BRPF1: variants seen among roughly 807,000 people sequenced by gnomAD.
BRPF1 encodes the protein peregrin.
In BRPF1, 15 loss-of-function variants were observed where a neutral mutation model predicts 115.0. The observed-to-expected ratio is 0.13, with a 90% CI of 0.09 to 0.20. BRPF1 has a LOEUF of 0.20. Ranked by LOEUF, BRPF1 falls within the 10% of genes least tolerant of loss-of-function variation. BRPF1 has a pLI of 1.00. For missense variants in BRPF1, 1,118 were observed against 1,638.3 expected (o/e 0.68, Z 5.48); for synonymous variants, 647 against 619.8 (o/e 1.04, Z -0.65).
In BRPF1 at chr3:9,734,840, G is replaced by C. The variant is rs2076913500; in HGVS notation, c.599+101G>C. Reference sequence around the variant, plus strand: ...CAGATAGAAGAGTGACAGGAATAAAGAATAGTGAAAGAACACTGATTTTGC... The same window carrying C: ...CAGATAGAAGAGTGACAGGAATAAACAATAGTGAAAGAACACTGATTTTGC... On this transcript the variant is annotated intron_variant, in intron 2 of 13. Coordinates refer to ENST00000383829, the MANE Select transcript of BRPF1 (RefSeq NM_001003694.2). The surrounding 1 kb of genome is among the most constrained non-coding windows in gnomAD (Gnocchi z 5.7). 2.8e-6 allele frequency: 4 copies of C among 1,444,140 alleles called. No individual in the cohort carries two copies. The highest frequency in any genetic ancestry group is 1.3e-5 in the South Asian group (1 of 76,336). 89.5% of individuals were successfully genotyped at this position (1,444,140 alleles called of 1,614,324 possible).
Position 9,743,803 on chromosome 3 carries a change from C to T in BRPF1, c.2537C>T (p.Ser846Leu), listed in dbSNP as rs539571131. 7.9e-5 allele frequency: 127 copies of T among 1,613,238 alleles called. No homozygotes were observed. Among genetic ancestry groups the T allele is most frequent in the East Asian group, 4.9e-4 (22 of 44,856 alleles). The change falls in exon 8 of 14, where the codon TCG becomes TTG. Residue 846 changes from serine (S) to leucine (L), a missense_variant. Physicochemically the swap from Ser to Leu is moderately radical, Grantham distance 145 (BLOSUM62 -2). Transcript: ENST00000383829. The surrounding 1 kb of genome is among the most constrained non-coding windows in gnomAD (Gnocchi z 6.1). ...GATGGCCCTGAGCGGCATGGCCCCT[C>T]GAGCCGGGGTAGTCTGACACCCCAC... ...GRDGPERHGP[S>L]SRGSLTPHPA...
At chr3:9,735,703 T>G (rs565807258) in intron 2 of BRPF1, among the ~76,000 whole-genome samples, 1 of 149,334 alleles carries the variant, frequency 6.7e-6, no homozygotes, top group South Asian at 2.1e-4. Flanking sequence ...GGCCCTTTTA[T>G]TTTTGTCATT....
chr3:9,738,901 C>A, intron 2 of BRPF1, 98 bp from the exon 3 acceptor site: 1 of 1,110,856 alleles, frequency 9.0e-7, no homozygotes, highest in Non-Finnish European at 1.3e-6. Flanking sequence ...ATCTGAAGGG[C>A]ATAGGCACAG....
chr3:9,734,990 T>C lies in BRPF1; in HGVS notation c.599+251T>C, dbSNP rs2076915771. ...TCTCATTTCACAGATGAGGAAACTA[T>C]GGTCAAGAAAGGGTGCCAGATTTAT... is the stretch of plus-strand genomic sequence containing the variant. On this transcript the variant is annotated intron_variant, in intron 2 of 13. Coordinates refer to ENST00000383829, the MANE Select transcript of BRPF1 (RefSeq NM_001003694.2). This position sits in a 1 kb window ranked among gnomAD's most constrained non-coding sequence, Gnocchi z 5.7. 6.6e-6 allele frequency among the ~76,000 whole-genome samples: 1 copy of C among 151,698 alleles called. No homozygotes were observed. The highest frequency in any genetic ancestry group is 2.4e-5 in the African/African-American group (1 of 41,326).
At position 9,747,508 on chromosome 3, in the gene BRPF1, C is replaced by A; in HGVS notation, c.*159C>A. ...GGGGAGGTCCCTCCTGCCCTAAGTGCAGCTGGACTGTACAGAACACTCCAA... is the reference window on the plus strand; with the variant it reads ...GGGGAGGTCCCTCCTGCCCTAAGTGAAGCTGGACTGTACAGAACACTCCAA... On this transcript the variant is annotated 3_prime_UTR_variant, in exon 14 of 14. Transcript: ENST00000383829. This position sits in a 1 kb window ranked among gnomAD's most constrained non-coding sequence, Gnocchi z 5.6. The A allele has an allele frequency of 1.3e-6, 1 of 793,562 alleles. No homozygotes were observed. Among genetic ancestry groups the A allele is most frequent in the Non-Finnish European group, 2.0e-6 (1 of 501,406 alleles). 49.2% of individuals were successfully genotyped at this position (793,562 alleles called of 1,614,324 possible). A position where few individuals can be genotyped will look rare whatever the true frequency, so the allele number is the denominator to read the frequency against.
chr3:9,732,372 G>A (rs2076867955), intron 1 of BRPF1: 1 of 152,230 alleles, frequency 6.6e-6, no homozygotes, highest in Non-Finnish European at 1.5e-5. Context: ...TTCCACAAAG[G>A]GGAAACGCCG....
intron 6 of BRPF1, 54 bp from the exon 7 acceptor site, chr3:9,742,890 C>A (rs1200619428): frequency 1.3e-6 from 2 of 1,563,492 alleles, no homozygotes; most frequent in Non-Finnish European, 1.7e-6. Context: ...GAGCAGGGTT[C>A]GGGGCAATAA....
rs985251514 is a variant in BRPF1 at position 9,747,688 on chromosome 3, A to G, written c.*339A>G. Reference sequence around the variant, plus strand: ...CACCTCTACCTGCTCATGCCAGGAGAATCCATAACTGCCTAGAGGCCTGGG... The same window carrying G: ...CACCTCTACCTGCTCATGCCAGGAGGATCCATAACTGCCTAGAGGCCTGGG... On this transcript the variant is annotated 3_prime_UTR_variant, in exon 14 of 14. Transcript: ENST00000383829. This position sits in a 1 kb window ranked among gnomAD's most constrained non-coding sequence, Gnocchi z 5.6. The G allele has an allele frequency of 9.6e-5, 21 of 218,256 alleles. No homozygotes were observed. Among genetic ancestry groups the G allele is most frequent in the African/African-American group, 4.4e-4 (20 of 45,084 alleles). 13.5% of individuals were successfully genotyped at this position (218,256 alleles called of 1,614,324 possible).
In BRPF1 at chr3:9,731,777, T is replaced by TGCCACAGCCTTTGCC. The variant is rs1375731918; in HGVS notation, c.-366_-352dup. ...TCGCCGCCGCTGCTGCCGCCGCCGCTGCCACAGCCTTTGCCGCCACGGTCT... is the reference window on the plus strand; with the variant it reads ...TCGCCGCCGCTGCTGCCGCCGCCGCTGCCACAGCCTTTGCCGCCACAGCCTTTGCCGCCACGGTCT... On this transcript the variant is annotated 5_prime_UTR_variant, in exon 1 of 14. Transcript: ENST00000383829. 1 of 157,522 alleles carries TGCCACAGCCTTTGCC rather than the reference T, an allele frequency of 6.3e-6. No homozygotes were observed. Among genetic ancestry groups the TGCCACAGCCTTTGCC allele is most frequent in the African/African-American group, 2.4e-5 (1 of 41,502 alleles). The allele number at this position is 157,522 out of a possible 1,614,324, so 9.8% of individuals were successfully genotyped here.
At position 9,734,499 on chromosome 3, in the gene BRPF1, C is replaced by T. The variant is rs2076907391; in HGVS notation, c.359C>T (p.Ser120Leu). The T allele has an allele frequency of 6.2e-7, 1 of 1,613,952 alleles. No homozygotes were observed. Among genetic ancestry groups the T allele is most frequent in the South Asian group, 1.1e-5 (1 of 91,070 alleles). Residue 120 changes from serine (S) to leucine (L), a missense_variant, in exon 2 of 14, where the codon TCA becomes TTA. Physicochemically the swap from Ser to Leu is moderately radical, Grantham distance 145. Transcript: ENST00000383829. This position sits in a 1 kb window ranked among gnomAD's most constrained non-coding sequence, Gnocchi z 5.7. ...ATCTTTGACAACCTGGATGTGGTGT[C>T]AGAGGATGAGGAAGCCCCCGAGGAG... ...ISIFDNLDVV[S>L]EDEEAPEEAP...
chr3:9,736,925 G>T lies in BRPF1; in HGVS notation c.600-2074G>T, dbSNP rs143132972. Among the ~76,000 whole-genome samples, 4 of 152,206 alleles carry T rather than the reference G, an allele frequency of 2.6e-5. No individual in the cohort carries two copies. The South Asian group carries it at 8.3e-4, about 31-fold the overall frequency. ...ACGTGACATGCAGCCTACCTTATCT[G>T]TACTGCAGCCTGTAATCTGGGTGCC... is the stretch of plus-strand genomic sequence containing the variant. On this transcript the variant is annotated intron_variant, in intron 2 of 13. Coordinates refer to ENST00000383829, the MANE Select transcript of BRPF1 (RefSeq NM_001003694.2).
At chr3:9,741,083 A>G (rs369772859) in intron 4 of BRPF1, 142 bp downstream of exon 4, 7 of 1,042,236 alleles carry the variant, frequency 6.7e-6, no homozygotes, top group Admixed American at 2.5e-5. Context: ...TCAGCATGGA[A>G]TGTTCAATGA....
In BRPF1 at chr3:9,744,459, TTCGAGC is replaced by T; in HGVS notation, c.2874_2879del (p.Ser959_Ser960del). 1 of 1,583,822 alleles carries T rather than the reference TTCGAGC, an allele frequency of 6.3e-7. No homozygotes were observed. The highest frequency in any genetic ancestry group is 8.6e-7 in the Non-Finnish European group (1 of 1,166,374). ...AGCGGGGTAGGAGCCCCCGGCCCAG[TTCGAGC>T]TCAGACAGCGACAGTGATAAGTCCA... On this transcript the variant is annotated inframe_deletion, in exon 9 of 14. Coordinates refer to ENST00000383829, the MANE Select transcript of BRPF1 (RefSeq NM_001003694.2).
At chr3:9,738,945 T>C in intron 2 of BRPF1, 54 bp from the exon 3 acceptor site, 1 of 1,505,194 alleles carries the variant, frequency 6.6e-7, no homozygotes. Flanking sequence ...CCCATCATCT[T>C]TAAGGGAGGG....
chr3:9,738,920 C>T, intron 2 of BRPF1, 79 bp from the exon 3 acceptor site: 1 of 1,395,032 alleles, frequency 7.2e-7, no homozygotes, highest in Non-Finnish European at 9.7e-7. Flanking sequence ...AGAGTAAGTG[C>T]TCAATGGCAA....
chr3:9,741,757 G>T (rs1271603411), intron 5 of BRPF1, among the ~76,000 whole-genome samples: 1 of 152,184 alleles, frequency 6.6e-6, no homozygotes, highest in Non-Finnish European at 1.5e-5. Flanking sequence ...AGTTCTGCTG[G>T]AAGCAGAATG....
chr3:9,741,268 G>T, intron 4 of BRPF1, 40 bp from the exon 5 acceptor site: 1 of 1,530,688 alleles, frequency 6.5e-7, no homozygotes, highest in Non-Finnish European at 8.8e-7. Context: ...CTTTCCTCTG[G>T]CTTTCTAATC....
In BRPF1 at chr3:9,734,855, A is replaced by G. The variant is rs1220014327; in HGVS notation, c.599+116A>G. 3.7e-6 allele frequency: 5 copies of G among 1,357,004 alleles called. No homozygotes were observed. The highest frequency in any genetic ancestry group is 2.3e-5 in the East Asian group (1 of 42,938). 84.1% of individuals were successfully genotyped at this position (1,357,004 alleles called of 1,614,324 possible). A position where few individuals can be genotyped will look rare whatever the true frequency, so the allele number is the denominator to read the frequency against. On this transcript the variant is annotated intron_variant, in intron 2 of 13. Coordinates refer to ENST00000383829, the MANE Select transcript of BRPF1 (RefSeq NM_001003694.2). This position sits in a 1 kb window ranked among gnomAD's most constrained non-coding sequence, Gnocchi z 5.7. ...CAGGAATAAAGAATAGTGAAAGAAC[A>G]CTGATTTTGCCAGGGCAGTGAGTGG... is the stretch of plus-strand genomic sequence containing the variant.
chr3:9,733,405 G>A (rs926111067), intron 1 of BRPF1: 7 of 152,232 alleles, frequency 4.6e-5, no homozygotes, highest in African/African-American at 9.7e-5. Flanking sequence ...TGAATGTCCA[G>A]TGCATGCTAG....
Sources: allele counts gnomAD v4.1 joint callset (sites outside exome capture counted in the v4.1 genomes callset), GRCh38; gene constraint gnomAD v4.1.1; non-coding constraint Gnocchi (gnomAD v3.1); transcripts MANE v1.5; gene names NCBI Gene and HGNC (gene_info 2026-07-23, HGNC 2026-07-21).